Variants in ABTB2 observed in about 807,000 individuals in gnomAD.
The protein encoded by ABTB2 is ankyrin repeat and BTB domain containing 2.
A neutral mutation model predicts 104.1 loss-of-function variants in ABTB2; 56 were observed. That is an observed-to-expected ratio of 0.54 (90% CI 0.43 to 0.67). The LOEUF (loss-of-function observed/expected upper bound fraction) is 0.67. Among genes scored for constraint, ABTB2 ranks in the 30% least tolerant of loss-of-function variants. ABTB2 has a pLI of 0.00. For missense variants in ABTB2, 1,279 were observed against 1,407.7 expected (o/e 0.91, Z 1.46); for synonymous variants, 606 against 608.2 (o/e 1.00, Z 0.05).
intron 1 of ABTB2, among the ~76,000 whole-genome samples, chr11:34,300,591 C>G (rs868576923): frequency 3.3e-5 from 5 of 152,200 alleles, no homozygotes; most frequent in African/African-American, 4.8e-5. Context: ...TACTACATCT[C>G]ACACAGAAGA....
intron 2 of ABTB2, among the ~76,000 whole-genome samples, chr11:34,198,396 G>A (rs1316488318): frequency 6.6e-6 from 1 of 151,906 alleles, no homozygotes; most frequent in African/African-American, 2.4e-5. Context: ...CCACACTCCA[G>A]TCTGGGTGAC....
chr11:34,346,570 C>T (rs1193824598), intron 1 of ABTB2, among the ~76,000 whole-genome samples: 1 of 152,200 alleles, frequency 6.6e-6, no homozygotes, highest in Non-Finnish European at 1.5e-5. Context: ...GCTCGTCCAG[C>T]ACCATCCTGG....
At position 34,357,634 on chromosome 11, in the gene ABTB2, A is replaced by T; in HGVS notation, c.-51T>A. On this transcript the variant is annotated 5_prime_UTR_variant, in exon 1 of 17. The change abolishes an upstream ATG in the 5' untranslated region. Transcript: ENST00000435224. ...CCGAGCGAGGGGCACTCACAACTCC[A>T]TGCCCTCTTTCCCAAGTGGGCAGAA... 1 of 1,449,556 alleles carries T rather than the reference A, an allele frequency of 6.9e-7. No homozygotes were observed. Among genetic ancestry groups the T allele is most frequent in the Non-Finnish European group, 9.1e-7 (1 of 1,099,266 alleles). The allele number at this position is 1,449,556 out of a possible 1,614,324, so 89.8% of individuals were successfully genotyped here.
intron 1 of ABTB2, among the ~76,000 whole-genome samples, chr11:34,217,427 A>G (rs1409085357): frequency 1.3e-5 from 2 of 152,018 alleles, no homozygotes; most frequent in Non-Finnish European, 2.9e-5. Context: ...GCTATAAATA[A>G]CTGTGCACAG....
intron 1 of ABTB2, among the ~76,000 whole-genome samples, chr11:34,296,329 C>G (rs1175002794): frequency 1.3e-5 from 2 of 151,270 alleles, no homozygotes; most frequent in Non-Finnish European, 2.9e-5. Context: ...GGGAGGGAGA[C>G]AAGGAGGAGG....
At chr11:34,262,739 C>T (rs1444778667) in intron 1 of ABTB2, among the ~76,000 whole-genome samples, 1 of 152,168 alleles carries the variant, frequency 6.6e-6, no homozygotes, top group Non-Finnish European at 1.5e-5. Context: ...GACAATAATG[C>T]AATACTGTTT....
At chr11:34,340,426 G>C (rs1264166403) in intron 1 of ABTB2, among the ~76,000 whole-genome samples, 1 of 152,130 alleles carries the variant, frequency 6.6e-6, no homozygotes, top group Non-Finnish European at 1.5e-5. Flanking sequence ...TCGCCATTTC[G>C]CAGATGAGAA....
At chr11:34,333,261 G>T (rs1308641684) in intron 1 of ABTB2, among the ~76,000 whole-genome samples, 1 of 152,180 alleles carries the variant, frequency 6.6e-6, no homozygotes, top group Non-Finnish European at 1.5e-5. Flanking sequence ...GGCCATGAGG[G>T]TGTCTCCTAG....
At chr11:34,308,474 C>A (rs1468210745) in intron 1 of ABTB2, among the ~76,000 whole-genome samples, 1 of 152,168 alleles carries the variant, frequency 6.6e-6, no homozygotes, top group African/African-American at 2.4e-5. Flanking sequence ...TCGATCACAT[C>A]TTGGGGTCAC....
At chr11:34,196,969 C>T (rs867852443) in intron 3 of ABTB2, among the ~76,000 whole-genome samples, 1 of 152,252 alleles carries the variant, frequency 6.6e-6, no homozygotes, top group Admixed American at 6.5e-5. Flanking sequence ...ATCCTACATG[C>T]TTTTACTCAG....
intron 1 of ABTB2, among the ~76,000 whole-genome samples, chr11:34,315,617 C>A (rs1223415670): frequency 2.0e-5 from 3 of 152,202 alleles, no homozygotes; most frequent in South Asian, 2.1e-4. Context: ...TCCTCCCCTG[C>A]CCCAATCATA....
chr11:34,218,020 G>A (rs1364684388), intron 1 of ABTB2, among the ~76,000 whole-genome samples: 1 of 152,174 alleles, frequency 6.6e-6, no homozygotes, highest in African/African-American at 2.4e-5. Context: ...ATTGTAACTT[G>A]CAATTTCCTA....
At chr11:34,244,658 G>C (rs1160527034) in intron 1 of ABTB2, among the ~76,000 whole-genome samples, 1 of 152,102 alleles carries the variant, frequency 6.6e-6, no homozygotes, top group Admixed American at 6.5e-5. Context: ...CAATGTACTC[G>C]CTGTTTGACT....
At position 34,357,971 on chromosome 11, in the gene ABTB2, C is replaced by A. The variant is rs2133134195; in HGVS notation, c.-388G>T. On this transcript the variant is annotated 5_prime_UTR_variant, in exon 1 of 17. Transcript: ENST00000435224. ...GCAGGGCGCAGGGCGCAGCGCGAGTCCGGGACCAGCCGGCGAGAAAGCGCT... is the reference window on the plus strand; with the variant it reads ...GCAGGGCGCAGGGCGCAGCGCGAGTACGGGACCAGCCGGCGAGAAAGCGCT... 1.0e-5 allele frequency: 2 copies of A among 197,136 alleles called. No individual in the cohort carries two copies. Among genetic ancestry groups the A allele is most frequent in the South Asian group, 3.1e-4 (2 of 6,410 alleles). 12.2% of individuals were successfully genotyped at this position (197,136 alleles called of 1,614,324 possible). A position where few individuals can be genotyped will look rare whatever the true frequency, so the allele number is the denominator to read the frequency against.
intron 1 of ABTB2, among the ~76,000 whole-genome samples, chr11:34,348,995 T>C (rs1033087096): frequency 6.6e-6 from 1 of 152,234 alleles, no homozygotes; most frequent in Non-Finnish European, 1.5e-5. Context: ...TGATTAATGA[T>C]GCCGGCATGG....
intron 1 of ABTB2, among the ~76,000 whole-genome samples, chr11:34,226,254 T>G (rs1011731547): frequency 2.0e-5 from 3 of 151,036 alleles, no homozygotes; most frequent in African/African-American, 7.3e-5. Flanking sequence ...TGAGTTTTAT[T>G]GCCTCAAATA....
chr11:34,219,950 T>C (rs1853597636), intron 1 of ABTB2, among the ~76,000 whole-genome samples: 1 of 152,204 alleles, frequency 6.6e-6, no homozygotes, highest in African/African-American at 2.4e-5. Context: ...AATAACAGGA[T>C]GTTTCAAAAA....
intron 1 of ABTB2, among the ~76,000 whole-genome samples, chr11:34,287,998 G>C (rs937617622): frequency 6.6e-6 from 1 of 152,136 alleles, no homozygotes; most frequent in African/African-American, 2.4e-5. Flanking sequence ...GAGGAAGAGA[G>C]AGCTTGAACA....
chr11:34,265,106 C>G (rs1482621737), intron 1 of ABTB2, among the ~76,000 whole-genome samples: 1 of 152,296 alleles, frequency 6.6e-6, no homozygotes, highest in Non-Finnish European at 1.5e-5. Context: ...CTGGTCTATC[C>G]TTCCTAAGGA....
Sources: gnomAD v4.1 joint callset for allele counts (sites outside exome capture counted in the v4.1 genomes callset) on GRCh38, gnomAD v4.1.1 for gene constraint, MANE v1.5 for transcripts, NCBI Gene and HGNC (gene_info 2026-07-23, HGNC 2026-07-21) for gene names.